The following KCNJ14 variants were observed in gnomAD, a reference collection of about 807,000 sequenced individuals.
The protein encoded by KCNJ14 is potassium inwardly rectifying channel subfamily J member 14, also known as ATP-sensitive inward rectifier potassium channel 14.
In KCNJ14, 18 loss-of-function variants were observed where a neutral mutation model predicts 24.5. The observed-to-expected ratio is 0.74, with a 90% confidence interval of 0.51 to 1.09. The LOEUF is 1.09. KCNJ14 is among the 50% of genes least tolerant of loss of function. The pLI, the probability that KCNJ14 is intolerant of heterozygous loss-of-function variation, is 0.00. For missense variants in KCNJ14, 633 were observed against 623.0 expected (o/e 1.02, Z -0.17); for synonymous variants, 288 against 270.8 (o/e 1.06, Z -0.63).
At chr19:48,457,351 G>C (rs553738509) in intron 1 of KCNJ14, among the ~76,000 whole-genome samples, 30 of 152,308 alleles carry the variant, frequency 2.0e-4, no homozygotes, top group Non-Finnish European at 4.1e-4. Flanking sequence ...CACACACCTA[G>C]TAAATGGTTG....
chr19:48,459,686 C>T (rs1054832991), intron 1 of KCNJ14, among the ~76,000 whole-genome samples: 4 of 152,132 alleles, frequency 2.6e-5, no homozygotes, highest in African/African-American at 9.7e-5. Flanking sequence ...TGTACCACCT[C>T]GCCTGGCCTC....
Position 48,461,872 on chromosome 19 carries a change from G to A in KCNJ14, c.148G>A (p.Gly50Ser). The A allele has an allele frequency of 6.3e-7, 1 of 1,579,676 alleles. No homozygotes were observed. Among genetic ancestry groups the A allele is most frequent in the Non-Finnish European group, 8.6e-7 (1 of 1,162,324 alleles). ...PVQSPVGRRR[G>S]RFVKKDGHCN... ...GCAGTCACCCGTGGGCCGGCGCCGC[G>A]GTCGCTTCGTCAAGAAAGACGGGCA... is the stretch of plus-strand genomic sequence containing the variant. The change falls in exon 2 of 3, where the codon GGT becomes AGT. Residue 50 changes from glycine (G) to serine (S), a missense_variant. By Grantham distance (56) the Gly-to-Ser change is moderately conservative. Coordinates refer to ENST00000342291, the MANE Select transcript of KCNJ14 (RefSeq NM_013348.4).
rs749324833 is a variant in KCNJ14 at position 48,462,187 on chromosome 19, G to C, written c.463G>C (p.Val155Leu). 1.5e-5 allele frequency: 23 copies of C among 1,561,258 alleles called. No individual in the cohort carries two copies. The highest frequency in any genetic ancestry group is 2.0e-5 in the Non-Finnish European group (23 of 1,153,534). ...QTSIGYGVRS[V>L]TEECPAAVAA... is the part of the protein sequence containing the mutation. ...GTCCATCGGCTACGGCGTGCGCAGC[G>C]TCACCGAGGAGTGCCCGGCCGCTGT... is the stretch of plus-strand genomic sequence containing the variant. The change falls in exon 2 of 3, where the codon GTC becomes CTC. Residue 155 changes from valine to leucine, a missense_variant. Transcript: ENST00000342291. This position sits in a 1 kb window ranked among gnomAD's most constrained non-coding sequence, Gnocchi z 4.9.
At chr19:48,463,816 A>G (rs533864789) in intron 2 of KCNJ14, among the ~76,000 whole-genome samples, 1 of 152,004 alleles carries the variant, frequency 6.6e-6, no homozygotes, top group African/African-American at 2.4e-5. Flanking sequence ...CTCTATGCCA[A>G]TATCACTCTG....
At position 48,462,181 on chromosome 19, in the gene KCNJ14, C is replaced by A. The variant is rs1345617891; in HGVS notation, c.457C>A (p.Arg153Ser). ...ETQTSIGYGV[R>S]SVTEECPAAV... ...GCAGACGTCCATCGGCTACGGCGTG[C>A]GCAGCGTCACCGAGGAGTGCCCGGC... Residue 153 changes from arginine to serine, a missense_variant, in exon 2 of 3, where the codon CGC becomes AGC. By Grantham distance (110) the Arg-to-Ser change is moderately radical. Coordinates refer to ENST00000342291, the MANE Select transcript of KCNJ14 (RefSeq NM_013348.4). This position sits in a 1 kb window ranked among gnomAD's most constrained non-coding sequence, Gnocchi z 4.9. 6.4e-7 allele frequency: 1 copy of A among 1,563,690 alleles called. No homozygotes were observed. The highest frequency in any genetic ancestry group is 1.2e-5 in the South Asian group (1 of 85,656).
Position 48,464,289 on chromosome 19 carries a change from G to A in KCNJ14, c.823G>A (p.Val275Ile), listed in dbSNP as rs767668128. The A allele has an allele frequency of 3.0e-5, 49 of 1,613,798 alleles. No individual in the cohort carries two copies. The highest frequency in any genetic ancestry group is 1.6e-5 in the Non-Finnish European group (19 of 1,179,966). The change falls in exon 3 of 3, where the codon GTC becomes ATC. Residue 275 changes from valine (V) to isoleucine (I), a missense_variant. Coordinates refer to ENST00000342291, the MANE Select transcript of KCNJ14 (RefSeq NM_013348.4). ...RIFLVSPITI[V>I]HEIDSASPLY... is the part of the protein sequence containing the mutation. ...CTTCCTCGTGTCCCCCATCACCATC[G>A]TCCATGAGATCGACTCTGCCAGTCC...
At position 48,464,595 on chromosome 19, in the gene KCNJ14, CTCAAG is replaced by C; in HGVS notation, c.1132_1136del (p.Lys378Ter). The C allele has an allele frequency of 6.2e-7, 1 of 1,614,158 alleles. No individual in the cohort carries two copies. Among genetic ancestry groups the C allele is most frequent in the Non-Finnish European group, 8.5e-7 (1 of 1,180,038 alleles). On this transcript the variant is annotated frameshift_variant, in exon 3 of 3. Coordinates refer to ENST00000342291, the MANE Select transcript of KCNJ14 (RefSeq NM_013348.4). LOFTEE classifies it high-confidence loss of function. ...ACGGGCAGAGCAGGCTTCCCACAGC[CTCAAG>C]TCTAGTTTCCCCGGCTCTCTGACTG...
Position 48,461,751 on chromosome 19 carries a change from C to G in KCNJ14, c.27C>G (p.Arg9=), listed in dbSNP as rs1025749859. The G allele has an allele frequency of 5.6e-5, 81 of 1,441,348 alleles. No individual in the cohort carries two copies. The Middle Eastern group carries it at 6.7e-4, about 12-fold the overall frequency. 89.3% of individuals were successfully genotyped at this position (1,441,348 alleles called of 1,614,324 possible). A position where few individuals can be genotyped will look rare whatever the true frequency, so the allele number is the denominator to read the frequency against. The part of the protein sequence containing the change: MGLARALR[R]LSGALDSGDS... ...TGGGCCTGGCCAGGGCCCTACGCCG[C>G]CTCAGCGGCGCCCTGGATTCGGGAG... The change falls in exon 2 of 3, where the codon CGC becomes CGG. Residue 9 remains arginine, a synonymous_variant. Coordinates refer to ENST00000342291, the MANE Select transcript of KCNJ14 (RefSeq NM_013348.4).
chr19:48,465,186 G>T lies in KCNJ14; in HGVS notation c.*409G>T. 1 of 184,652 alleles carries T rather than the reference G, an allele frequency of 5.4e-6. No homozygotes were observed. Among genetic ancestry groups the T allele is most frequent in the Non-Finnish European group, 1.2e-5 (1 of 86,594 alleles). 11.4% of individuals were successfully genotyped at this position (184,652 alleles called of 1,614,324 possible). On this transcript the variant is annotated 3_prime_UTR_variant, in exon 3 of 3. Transcript: ENST00000342291. Reference sequence around the variant, plus strand: ...CAGATATCAAGAGTTTGTAGGTCTGGATTCACCTAAGATTCAAGGGAGTGT... The same window carrying T: ...CAGATATCAAGAGTTTGTAGGTCTGTATTCACCTAAGATTCAAGGGAGTGT...
Position 48,464,849 on chromosome 19 carries a change from T to C in KCNJ14, c.*72T>C, listed in dbSNP as rs935528330. The C allele has an allele frequency of 1.3e-5, 15 of 1,141,132 alleles. 1 individual carries two copies. In the African/African-American group the frequency reaches 2.0e-4, roughly 15 times the overall value. 70.7% of individuals were successfully genotyped at this position (1,141,132 alleles called of 1,614,324 possible). A position where few individuals can be genotyped will look rare whatever the true frequency, so the allele number is the denominator to read the frequency against. ...AGCAAGATGGAGGGATGGGGCTCTC[T>C]CCTGGGATGGGGGCAGGTGTTCCTG... On this transcript the variant is annotated 3_prime_UTR_variant, in exon 3 of 3. Coordinates refer to ENST00000342291, the MANE Select transcript of KCNJ14 (RefSeq NM_013348.4).
Position 48,464,055 on chromosome 19 carries a change from G to A in KCNJ14, c.715-126G>A. 9.6e-6 allele frequency: 7 copies of A among 726,042 alleles called. No homozygotes were observed. In the South Asian group the frequency reaches 1.1e-4, roughly 12 times the overall value. 45.0% of individuals were successfully genotyped at this position (726,042 alleles called of 1,614,324 possible). Reference sequence around the variant, plus strand: ...TTGCCGGCCCCATCTCTTGATCTGTGTTCTCACCCTTTTCTTCACTCCTGT... The same window carrying A: ...TTGCCGGCCCCATCTCTTGATCTGTATTCTCACCCTTTTCTTCACTCCTGT... On this transcript the variant is annotated intron_variant, in intron 2 of 2. Coordinates refer to ENST00000342291, the MANE Select transcript of KCNJ14 (RefSeq NM_013348.4).
At chr19:48,458,964 G>A (rs1971564987) in intron 1 of KCNJ14, among the ~76,000 whole-genome samples, 2 of 146,926 alleles carry the variant, frequency 1.4e-5, no homozygotes, top group Non-Finnish European at 3.0e-5. Flanking sequence ...AAAAAAGCCG[G>A]GGGTGGTGGC....
chr19:48,460,256 T>A (rs1323950973), intron 1 of KCNJ14, among the ~76,000 whole-genome samples: 3 of 152,124 alleles, frequency 2.0e-5, no homozygotes, highest in East Asian at 1.9e-4. Flanking sequence ...TTATTTATTT[T>A]TTTTGAGACA....
chr19:48,461,791 G>A lies in KCNJ14; in HGVS notation c.67G>A (p.Asp23Asn). ...ALDSGDSRAG[D>N]EEEAGPGLCR... The stretch of plus-strand genomic sequence containing the variant: ...GGATTCGGGAGACAGCCGGGCGGGC[G>A]ATGAAGAGGAGGCCGGGCCCGGGTT... Residue 23 changes from aspartate to asparagine, a missense_variant, in exon 2 of 3, where the codon GAT (aspartate) becomes AAT (asparagine). Asp to Asn is a conservative substitution (Grantham distance 23, BLOSUM62 1). Transcript: ENST00000342291. The A allele has an allele frequency of 6.8e-7, 1 of 1,464,962 alleles. No individual in the cohort carries two copies. The highest frequency in any genetic ancestry group is 2.0e-4 in the Middle Eastern group (1 of 4,938). 90.7% of individuals were successfully genotyped at this position (1,464,962 alleles called of 1,614,324 possible). A position where few individuals can be genotyped will look rare whatever the true frequency, so the allele number is the denominator to read the frequency against.
chr19:48,458,891 G>A (rs1160804210), intron 1 of KCNJ14, among the ~76,000 whole-genome samples: 4 of 134,838 alleles, frequency 3.0e-5, no homozygotes. Context: ...AGCTGAGATT[G>A]CGCCACTGCA....
At chr19:48,459,706 T>C (rs1005102209) in intron 1 of KCNJ14, among the ~76,000 whole-genome samples, 5 of 150,530 alleles carry the variant, frequency 3.3e-5, no homozygotes, top group African/African-American at 9.7e-5. Context: ...CTCTTCACTT[T>C]CTTGATAGTG....
chr19:48,456,473 T>A (rs1321352677), intron 1 of KCNJ14: 1 of 152,250 alleles, frequency 6.6e-6, no homozygotes, highest in Admixed American at 6.5e-5. Context: ...CTCTGTCAAG[T>A]GGGCCTAATG....
At position 48,460,563 on chromosome 19, in the gene KCNJ14, A is replaced by G. The variant is rs147372298; in HGVS notation, c.-55-1107A>G. 1.5e-3 allele frequency among the ~76,000 whole-genome samples: 228 copies of G among 152,198 alleles called. 1 individual carries two copies. Among genetic ancestry groups the G allele is most frequent in the Middle Eastern group, 6.8e-3 (2 of 294 alleles). ...CGGCAGTCTTGGGGAAGTTGCTTAA[A>G]CTTTCTGTGCTTCAGTTTCCTCATC... On this transcript the variant is annotated intron_variant, in intron 1 of 2. Coordinates refer to ENST00000342291, the MANE Select transcript of KCNJ14 (RefSeq NM_013348.4).
chr19:48,456,800 G>C (rs1242590875), intron 1 of KCNJ14: 1 of 152,022 alleles, frequency 6.6e-6, no homozygotes, highest in South Asian at 2.1e-4. Context: ...GGTCCACCCT[G>C]ACAGGCTGCT....
Sources: gnomAD v4.1 joint callset for allele counts (sites outside exome capture counted in the v4.1 genomes callset) on GRCh38, gnomAD v4.1.1 for gene constraint, Gnocchi (gnomAD v3.1) non-coding constraint, MANE v1.5 for transcripts, NCBI Gene and HGNC (gene_info 2026-07-23, HGNC 2026-07-21) for gene names.